The following MADD variants were observed in gnomAD, a reference collection of about 807,000 sequenced individuals.
MADD encodes the protein MAP kinase activating death domain, also known as MAP kinase-activating death domain protein.
Under a neutral mutation model 176.7 loss-of-function variants are expected in MADD, and 109 were observed. That is an observed-to-expected ratio of 0.62 (90% confidence interval 0.53 to 0.72). The LOEUF (loss-of-function observed/expected upper bound fraction) is 0.72. MADD is among the 30% of genes least tolerant of loss of function. The pLI, the probability that MADD is intolerant of heterozygous loss-of-function variation, is 0.00. For missense variants in MADD, 1,914 were observed against 2,045.5 expected, an observed-to-expected ratio of 0.94 and a Z score of 1.24; for synonymous variants, 771 against 771.3, an observed-to-expected ratio of 1.00 and a Z score of 0.01.
chr11:47,322,008 T>C (rs1464160025), intron 27 of MADD, among the ~76,000 whole-genome samples: 1 of 152,100 alleles, frequency 6.6e-6, no homozygotes, highest in African/African-American at 2.4e-5. Flanking sequence ...ACCATCAACA[T>C]GGTAATAATC....
intron 15 of MADD, among the ~76,000 whole-genome samples, chr11:47,286,895 C>T (rs961761427): frequency 6.6e-6 from 1 of 152,158 alleles, no homozygotes; most frequent in African/African-American, 2.4e-5. Flanking sequence ...GGAGCTGGCC[C>T]ACCAGAGAAT....
intron 31 of MADD, chr11:47,328,371 A>T: frequency 7.4e-7 from 1 of 1,352,818 alleles, no homozygotes; most frequent in Non-Finnish European, 9.5e-7. Flanking sequence ...CGTCCCTCCC[A>T]TCCAGGGCTT....
intron 25 of MADD, 126 bp downstream of exon 28, chr11:47,309,738 T>A: frequency 1.5e-6 from 1 of 683,214 alleles, no homozygotes; most frequent in Middle Eastern, 3.9e-4. Flanking sequence ...TCTTCTTGAT[T>A]GAAAGTCTGA....
Position 47,289,852 on chromosome 11 carries a change from G to A in MADD, c.2757-15G>A, listed in dbSNP as rs764217220. On this transcript the variant is annotated splice_polypyrimidine_tract_variant and intron_variant, in intron 16 of 32. Coordinates refer to ENST00000402192, the Ensembl canonical transcript of MADD. ...AGGAGCTGATGACCACAGAAGCGGT[G>A]TGTGGACCCTGTAGTGAGAACCAGC... The A allele has an allele frequency of 2.5e-5, 40 of 1,612,736 alleles. No individual in the cohort carries two copies. Among genetic ancestry groups the A allele is most frequent in the Non-Finnish European group, 3.2e-5 (38 of 1,179,810 alleles).
At position 47,325,171 on chromosome 11, in the gene MADD, AT is replaced by A. The variant is rs918494527; in HGVS notation, c.4542+596del. ...CACAGGCCCCATTCCCTTTCTTTTGATTGGGGAGCACTTGTGGATACATCTT... is the reference window on the plus strand; with the variant it reads ...CACAGGCCCCATTCCCTTTCTTTTGATGGGGAGCACTTGTGGATACATCTT... On this transcript the variant is annotated intron_variant, in intron 30 of 32. Coordinates refer to ENST00000402192, the Ensembl canonical transcript of MADD. This position sits in a 1 kb window ranked among gnomAD's most constrained non-coding sequence, Gnocchi z 4.5. 3 of 175,116 alleles carry A rather than the reference AT, an allele frequency of 1.7e-5. No homozygotes were observed. Among genetic ancestry groups the A allele is most frequent in the Non-Finnish European group, 3.6e-5 (3 of 83,970 alleles). 10.8% of individuals were successfully genotyped at this position (175,116 alleles called of 1,614,324 possible).
intron 21 of MADD, 90 bp from the exon 24 acceptor site, chr11:47,295,807 C>T: frequency 2.6e-6 from 4 of 1,530,862 alleles, no homozygotes; most frequent in Non-Finnish European, 3.5e-6. Context: ...AAATTTAATA[C>T]TTTTTTATGG....
At chr11:47,295,199 A>G (rs2070101480) in intron 20 of MADD, among the ~76,000 whole-genome samples, 1 of 151,718 alleles carries the variant, frequency 6.6e-6, no homozygotes, top group South Asian at 2.1e-4. Context: ...TTTTGTAGAG[A>G]TGGGGTTTCG....
chr11:47,288,893 G>C, intron 15 of MADD, 75 bp from the exon 16 acceptor site: 1 of 1,058,704 alleles, frequency 9.4e-7, no homozygotes, highest in Non-Finnish European at 1.4e-6. Flanking sequence ...AGATTATCTG[G>C]CTTACTGCTC....
chr11:47,327,922 G>C (rs921949695), intron 31 of MADD: 2 of 985,154 alleles, frequency 2.0e-6, no homozygotes, highest in Non-Finnish European at 2.4e-6. Context: ...TGGCTGGAGC[G>C]GGGGGACTCT....
At chr11:47,312,030 T>TGGTC (rs1405364678) in intron 26 of MADD, among the ~76,000 whole-genome samples, 188 bp downstream of exon 29, 2 of 152,224 alleles carry the variant, frequency 1.3e-5, no homozygotes, top group African/African-American at 2.4e-5. Flanking sequence ...TTTTGATGTG[T>TGGTC]GGTCTGTGAA....
Position 47,293,944 on chromosome 11 carries a change from C to G in MADD, c.3363C>G (p.Ile1121Met), listed in dbSNP as rs780671093. Residue 1121 changes from isoleucine (I) to methionine (M), a missense_variant, in exon 20 of 33, where the codon ATC becomes ATG. Ile to Met is a conservative substitution (Grantham distance 10). Around this residue, in one of 2 missense-constraint regions of MADD, gnomAD observed 1,767 missense variants for 1,836.0 expected, o/e 0.96. Coordinates refer to ENST00000402192, the Ensembl canonical transcript of MADD. ...AGACAGAGGAGAAAAAGTCCCAGAT[C>G]AGCGCAGACAGTGGTGTGAGCCTGA... 5.2e-5 allele frequency: 84 copies of G among 1,614,066 alleles called. No individual in the cohort carries two copies. The highest frequency in any genetic ancestry group is 1.7e-4 in the Admixed American group (10 of 60,008).
At chr11:47,302,010 G>T (rs1039300586) in intron 22 of MADD, among the ~76,000 whole-genome samples, 7 of 152,122 alleles carry the variant, frequency 4.6e-5, no homozygotes, top group Non-Finnish European at 1.0e-4. Context: ...CGGTATTTCT[G>T]TGTTGATTTT....
rs551729001 is a variant in MADD at position 47,293,760 on chromosome 11, C to T, written c.3302-123C>T. 6.2e-6 allele frequency: 4 copies of T among 646,302 alleles called. No individual in the cohort carries two copies. The South Asian group carries it at 7.8e-5, about 13-fold the overall frequency. 40.0% of individuals were successfully genotyped at this position (646,302 alleles called of 1,614,324 possible). The stretch of plus-strand genomic sequence containing the variant: ...AGTGGGTCCTGAGTGGGGGGTAGTC[C>T]TTGGAAAGGTGACTAGGATGGGCTG... On this transcript the variant is annotated intron_variant, in intron 19 of 32. Coordinates refer to ENST00000402192, the Ensembl canonical transcript of MADD.
At chr11:47,285,671 G>A in intron 14 of MADD, 81 bp downstream of exon 14, 5 of 1,584,218 alleles carry the variant, frequency 3.2e-6, no homozygotes, top group Non-Finnish European at 4.3e-6. Context: ...ATGTTGCTTA[G>A]AACTTCACAT....
At chr11:47,288,443 A>G (rs1167128304) in intron 15 of MADD, among the ~76,000 whole-genome samples, 1 of 152,242 alleles carries the variant, frequency 6.6e-6, no homozygotes, top group Non-Finnish European at 1.5e-5. Context: ...GTGGCCGGGT[A>G]GGCTAAGGAT....
intron 22 of MADD, among the ~76,000 whole-genome samples, chr11:47,298,632 T>G (rs889602304): frequency 1.3e-5 from 2 of 152,244 alleles, no homozygotes; most frequent in South Asian, 2.1e-4. Flanking sequence ...TTCTGCAGAC[T>G]GTCTCTTCAC....
intron 30 of MADD, 77 bp downstream of exon 33, chr11:47,324,654 C>G (rs2095177708): frequency 1.0e-6 from 1 of 974,096 alleles, no homozygotes; most frequent in Admixed American, 1.9e-5. Context: ...CCCAGTACTT[C>G]CCCAGCAAGC....
At chr11:47,276,274 C>CT in intron 4 of MADD, 72 bp downstream of exon 4, 2 of 1,432,280 alleles carry the variant, frequency 1.4e-6, no homozygotes, top group Non-Finnish European at 1.9e-6. Flanking sequence ...ACCACGAGCT[C>CT]TTAGAGGACA....
rs538188918 is a variant in MADD, at chr11:47,305,982, C to A, written c.3643-2609C>A. Reference sequence around the variant, plus strand: ...TGTGGGCATGACTGTTCTGGGTGACCCAGGCACAGTATCATTGGAATGCAG... The same window carrying A: ...TGTGGGCATGACTGTTCTGGGTGACACAGGCACAGTATCATTGGAATGCAG... On this transcript the variant is annotated intron_variant, in intron 22 of 32. Transcript: ENST00000402192. Among the ~76,000 whole-genome samples, 10 of 152,268 alleles carry A rather than the reference C, an allele frequency of 6.6e-5. No homozygotes were observed. In the East Asian group the frequency reaches 1.9e-3, roughly 29 times the overall value.
Sources: gnomAD v4.1 joint callset for allele counts (sites outside exome capture counted in the v4.1 genomes callset) on GRCh38, gnomAD v4.1.1 for gene constraint, gnomAD v4.1.1 regional missense constraint, Gnocchi (gnomAD v3.1) non-coding constraint, MANE v1.5 for transcripts, NCBI Gene and HGNC (gene_info 2026-07-23, HGNC 2026-07-21) for gene names.